The following BCO2 variants were observed in gnomAD, a reference collection of about 807,000 sequenced individuals.
The protein encoded by BCO2 is carotenoid-cleaving dioxygenase, mitochondrial.
A neutral mutation model predicts 65.8 loss-of-function variants in BCO2; 56 were observed. The observed-to-expected ratio is 0.85, with a 90% CI of 0.69 to 1.06. The LOEUF (loss-of-function observed/expected upper bound fraction) is 1.06, where lower values mean the gene tolerates loss of function less well. Ranked by LOEUF, BCO2 falls within the 50% of genes least tolerant of loss-of-function variation. The probability of loss-of-function intolerance (pLI) is 0.00; values close to 1 mark genes in which losing one functional copy is unlikely to be tolerated. For missense variants in BCO2, 675 were observed against 698.5 expected (o/e 0.97, Z 0.38); for synonymous variants, 233 against 242.3 (o/e 0.96, Z 0.36).
At chr11:112,210,104 C>G (rs117001721) in intron 8 of BCO2, among the ~76,000 whole-genome samples, 1 of 152,122 alleles carries the variant, frequency 6.6e-6, no homozygotes, top group South Asian at 2.1e-4. Context: ...TCCTTATAGG[C>G]AGATCTACAG....
chr11:112,213,509 G>T (rs565483486), intron 8 of BCO2, among the ~76,000 whole-genome samples: 2 of 152,024 alleles, frequency 1.3e-5, no homozygotes, highest in African/African-American at 4.8e-5. Context: ...ATTATATGAG[G>T]CCAAAGACTT....
At position 112,194,649 on chromosome 11, in the gene BCO2, G is replaced by A. The variant is rs758735644; in HGVS notation, c.634-4G>A. On this transcript the variant is annotated splice_region_variant and splice_polypyrimidine_tract_variant and intron_variant, in intron 4 of 11. Coordinates refer to ENST00000357685, the MANE Select transcript of BCO2 (RefSeq NM_031938.7). ...AAAAATCTCCAGTGGTCTCAAATTT[G>A]CAGGTAGATTGGAGCAAATTTATTG... The A allele has an allele frequency of 1.9e-6, 3 of 1,592,078 alleles. No homozygotes were observed. The highest frequency in any genetic ancestry group is 1.1e-5 in the South Asian group (1 of 90,192).
chr11:112,207,065 A>C (rs1592860651), intron 8 of BCO2, among the ~76,000 whole-genome samples: 1 of 152,220 alleles, frequency 6.6e-6, no homozygotes, highest in Admixed American at 6.5e-5. Context: ...ATTAGTTCAA[A>C]TAGTTGATCC....
intron 7 of BCO2, among the ~76,000 whole-genome samples, chr11:112,201,228 A>G (rs11214130): frequency 0.13 from 19,462 of 151,496 alleles, 1,448 homozygotes; most frequent in East Asian, 0.39. Flanking sequence ...GCTCACTGCA[A>G]CCTCCACCTC....
At chr11:112,194,118 T>C (rs1867487888) in intron 4 of BCO2, 124 bp downstream of exon 4, 1 of 642,366 alleles carries the variant, frequency 1.6e-6, no homozygotes, top group Admixed American at 2.7e-5. Flanking sequence ...AAGAAAGTTA[T>C]TCATGATGCA....
chr11:112,188,175 T>C (rs1179921396), intron 2 of BCO2, among the ~76,000 whole-genome samples: 2 of 152,334 alleles, frequency 1.3e-5, no homozygotes, highest in East Asian at 3.9e-4. Flanking sequence ...CATTGACTTT[T>C]CCCAGTGCTT....
chr11:112,180,687 G>C (rs768153572), intron 2 of BCO2: 10 of 761,494 alleles, frequency 1.3e-5, no homozygotes, highest in Middle Eastern at 3.7e-4. Context: ...GTGGGTGGAG[G>C]GGGGGAAGGG....
chr11:112,193,801 C>T (rs1426476863), intron 3 of BCO2, 78 bp from the exon 4 acceptor site: 15 of 1,470,486 alleles, frequency 1.0e-5, no homozygotes, highest in Non-Finnish European at 1.2e-5. Context: ...GTTGAAACTG[C>T]TTTCTCCCTT....
intron 2 of BCO2, among the ~76,000 whole-genome samples, chr11:112,191,331 A>G (rs947843298): frequency 2.6e-5 from 4 of 152,198 alleles, no homozygotes; most frequent in Non-Finnish European, 5.9e-5. Context: ...TAACACACTG[A>G]AATAATATCC....
Position 112,183,128 on chromosome 11 carries a change from CA to C in BCO2, c.293+3647del, listed in dbSNP as rs1867102676. The C allele has an allele frequency of 4.7e-6, 6 of 1,286,988 alleles. No individual in the cohort carries two copies. The South Asian group carries it at 7.1e-5, about 15-fold the overall frequency. 79.7% of individuals were successfully genotyped at this position (1,286,988 alleles called of 1,614,324 possible). The stretch of plus-strand genomic sequence containing the variant: ...AAGAAGCCAACCTGAGAGGGTCCAA[CA>C]TGAAGGGAGCTATATTTGAAGAGAT... On this transcript the variant is annotated intron_variant, in intron 2 of 11. Coordinates refer to ENST00000357685, the MANE Select transcript of BCO2 (RefSeq NM_031938.7).
intron 8 of BCO2, chr11:112,208,460 G>A (rs1237361933): frequency 1.4e-5 from 2 of 147,830 alleles, no homozygotes; most frequent in East Asian, 2.0e-4. Context: ...CTTCAGTACA[G>A]TGTTGAATAT....
At position 112,217,992 on chromosome 11, in the gene BCO2, G is replaced by T; in HGVS notation, c.*118G>T. On this transcript the variant is annotated 3_prime_UTR_variant, in exon 12 of 12. Coordinates refer to ENST00000357685, the MANE Select transcript of BCO2 (RefSeq NM_031938.7). The stretch of plus-strand genomic sequence containing the variant: ...GGGGCAAGGAGGAAGAGGGGCAGGG[G>T]TTAAAAAGCTACCTATTGAATACTA... The T allele has an allele frequency of 2.9e-6, 2 of 694,422 alleles. No homozygotes were observed. The highest frequency in any genetic ancestry group is 4.8e-6 in the Non-Finnish European group (2 of 419,424). The allele number at this position is 694,422 out of a possible 1,614,324, so 43.0% of individuals were successfully genotyped here. A position where few individuals can be genotyped will look rare whatever the true frequency, so the allele number is the denominator to read the frequency against.
At chr11:112,198,644 T>C (rs568981974) in intron 5 of BCO2, among the ~76,000 whole-genome samples, 1 of 152,146 alleles carries the variant, frequency 6.6e-6, no homozygotes, top group East Asian at 1.9e-4. Flanking sequence ...GATATCTGCG[T>C]TGATTCTTGA....
At chr11:112,201,848 C>T (rs1399433578) in intron 7 of BCO2, among the ~76,000 whole-genome samples, 175 bp from the exon 8 acceptor site, 1 of 152,092 alleles carries the variant, frequency 6.6e-6, no homozygotes, top group East Asian at 1.9e-4. Flanking sequence ...TAAATCAAAG[C>T]ATATTTGCTT....
At chr11:112,187,769 C>T (rs1195193798) in intron 2 of BCO2, among the ~76,000 whole-genome samples, 1 of 152,048 alleles carries the variant, frequency 6.6e-6, no homozygotes, top group Non-Finnish European at 1.5e-5. Flanking sequence ...TAGAGCTCAC[C>T]TTACCTTTTG....
intron 5 of BCO2, 56 bp downstream of exon 5, chr11:112,194,811 T>G: frequency 7.2e-6 from 9 of 1,248,182 alleles, no homozygotes; most frequent in Non-Finnish European, 8.2e-6. Flanking sequence ...ACGGTGTGTA[T>G]ATAAAGATGA....
In BCO2 at chr11:112,201,748, G is replaced by T. The variant is rs762728516; in HGVS notation, c.1027-275G>T. Among the ~76,000 whole-genome samples, 35 of 152,092 alleles carry T rather than the reference G, an allele frequency of 2.3e-4. 1 individual carries two copies. Among genetic ancestry groups the T allele is most frequent in the Non-Finnish European group, 5.9e-5 (4 of 68,008 alleles). On this transcript the variant is annotated intron_variant, in intron 7 of 11. Transcript: ENST00000357685. Reference sequence around the variant, plus strand: ...ATTTACATATCACTCAAAACATTGGGCTATATTTCATGAGGGATTTTAAGT... The same window carrying T: ...ATTTACATATCACTCAAAACATTGGTCTATATTTCATGAGGGATTTTAAGT...
intron 5 of BCO2, among the ~76,000 whole-genome samples, chr11:112,197,286 T>C (rs1867607545): frequency 1.3e-5 from 2 of 152,212 alleles, no homozygotes; most frequent in African/African-American, 2.4e-5. Context: ...CAGTGGCTTA[T>C]GCTTATAATT....
At chr11:112,211,858 T>C (rs1289522409) in intron 8 of BCO2, among the ~76,000 whole-genome samples, 2 of 152,232 alleles carry the variant, frequency 1.3e-5, no homozygotes, top group Non-Finnish European at 2.9e-5. Context: ...TTCAGGCAGC[T>C]GTTTTAAACA....
Sources: gnomAD v4.1 joint callset for allele counts (sites outside exome capture counted in the v4.1 genomes callset) on GRCh38, gnomAD v4.1.1 for gene constraint, MANE v1.5 for transcripts, NCBI Gene and HGNC (gene_info 2026-07-23, HGNC 2026-07-21) for gene names.